ABCB1: variants seen among roughly 807,000 people sequenced by gnomAD.
ABCB1 encodes the protein ATP binding cassette subfamily B member 1.
ABCB1 carries 69 observed loss-of-function variants against 142.0 expected under a neutral mutation model. That is an observed-to-expected ratio of 0.49 (90% confidence interval 0.40 to 0.59). The LOEUF is 0.59. ABCB1 is among the 20% of genes least tolerant of loss of function. The probability of loss-of-function intolerance (pLI) is 0.00; values close to 1 mark genes in which losing one functional copy is unlikely to be tolerated. For missense variants in ABCB1, 1,326 were observed against 1,554.7 expected, an observed-to-expected ratio of 0.85 and a Z score of 2.47; for synonymous variants, 532 against 539.2, an observed-to-expected ratio of 0.99 and a Z score of 0.18.
At chr7:87,634,496 G>C (rs1044890046) in intron 1 of ABCB1, among the ~76,000 whole-genome samples, 2 of 36,658 alleles carry the variant, frequency 5.5e-5, no homozygotes, top group Middle Eastern at 0.018. Context: ...GTGGGGGGTG[G>C]GGGGGGGGGC....
Position 87,550,168 on chromosome 7 carries a change from C to T in ABCB1, c.1350+3G>A. ...AGGGTCTAGCTCGCATGGGTCATCT[C>T]ACCATCCCCTCTGTGGGGTCATAGA... On this transcript the variant is annotated splice_donor_region_variant and intron_variant, in intron 12 of 27. Coordinates refer to ENST00000622132, the MANE Select transcript of ABCB1 (RefSeq NM_001348946.2). 6.2e-7 allele frequency: 1 copy of T among 1,614,218 alleles called. No homozygotes were observed. The highest frequency in any genetic ancestry group is 1.3e-5 in the African/African-American group (1 of 75,058).
Position 87,553,836 on chromosome 7 carries a change from T to C in ABCB1, c.924A>G (p.Ala308=), listed in dbSNP as rs1182588772. The C allele has an allele frequency of 6.2e-7, 1 of 1,614,102 alleles. No homozygotes were observed. Among genetic ancestry groups the C allele is most frequent in the Non-Finnish European group, 8.5e-7 (1 of 1,179,964 alleles). Reference sequence around the variant, plus strand: ...CATACCAGAAGGCCAGAGCATAAGATGCATAGATCAGCAGGAAAGCAGCAC... The same window carrying C: ...CATACCAGAAGGCCAGAGCATAAGACGCATAGATCAGCAGGAAAGCAGCAC... ...SIGAAFLLIY[A]SYALAFWYGT... is the part of the protein sequence containing the mutation. Residue 308 remains alanine, a synonymous_variant, in exon 9 of 28, where the codon GCA becomes GCG. Coordinates refer to ENST00000622132, the MANE Select transcript of ABCB1 (RefSeq NM_001348946.2).
At chr7:87,702,103 A>C (rs549919527) in intron 1 of ABCB1, among the ~76,000 whole-genome samples, 1 of 130,128 alleles carries the variant, frequency 7.7e-6, no homozygotes, top group South Asian at 2.6e-4. Flanking sequence ...AGATCGCGCC[A>C]CTGCACTCCA....
chr7:87,566,601 C>T (rs1817791393), intron 6 of ABCB1, among the ~76,000 whole-genome samples, 184 bp downstream of exon 6: 1 of 152,172 alleles, frequency 6.6e-6, no homozygotes, highest in South Asian at 2.1e-4. Context: ...CAGGTCCCCC[C>T]ATACCCTGTC....
chr7:87,671,558 C>A (rs2130522532), intron 1 of ABCB1, among the ~76,000 whole-genome samples: 1 of 152,238 alleles, frequency 6.6e-6, no homozygotes, highest in Admixed American at 6.5e-5. Flanking sequence ...CCAGTGAAGG[C>A]CGCAAAACAG....
intron 2 of ABCB1, among the ~76,000 whole-genome samples, chr7:87,597,743 A>G (rs1167012223): frequency 1.3e-5 from 2 of 152,172 alleles, no homozygotes; most frequent in Admixed American, 1.3e-4. Context: ...AAAAATTTTC[A>G]ATTGCAATTA....
intron 2 of ABCB1, among the ~76,000 whole-genome samples, chr7:87,599,017 A>G (rs1819327838): frequency 6.6e-6 from 1 of 152,232 alleles, no homozygotes; most frequent in South Asian, 2.1e-4. Flanking sequence ...AAAATGAACT[A>G]TTAAAAGATT....
chr7:87,562,819 G>T (rs1817618787), intron 7 of ABCB1, among the ~76,000 whole-genome samples: 1 of 151,108 alleles, frequency 6.6e-6, no homozygotes, highest in Non-Finnish European at 1.5e-5. Context: ...ATATGAAAAG[G>T]CCAGGTGTGA....
intron 1 of ABCB1, among the ~76,000 whole-genome samples, chr7:87,639,345 G>A (rs1822198790): frequency 6.6e-6 from 1 of 152,062 alleles, no homozygotes; most frequent in South Asian, 2.1e-4. Flanking sequence ...TATTTAATAT[G>A]CATTTGGAAA....
At chr7:87,576,286 T>C (rs1818272419) in intron 4 of ABCB1, among the ~76,000 whole-genome samples, 1 of 151,762 alleles carries the variant, frequency 6.6e-6, no homozygotes, top group Non-Finnish European at 1.5e-5. Flanking sequence ...TAGAAAACTG[T>C]ACTATATTTT....
Position 87,506,383 on chromosome 7 carries a change from G to A in ABCB1, c.3490-340C>T, listed in dbSNP as rs890659751. Among the ~76,000 whole-genome samples, 4 of 152,080 alleles carry A rather than the reference G, an allele frequency of 2.6e-5. No homozygotes were observed. In the South Asian group the frequency reaches 8.3e-4, roughly 32 times the overall value. ...TGGCAGGAGAAAGGAAATTTGATTT[G>A]AACAAAGTATTCATAATAAAATAAT... On this transcript the variant is annotated intron_variant, in intron 26 of 27. Coordinates refer to ENST00000622132, the MANE Select transcript of ABCB1 (RefSeq NM_001348946.2).
At chr7:87,575,825 A>T (rs2129869336) in intron 4 of ABCB1, among the ~76,000 whole-genome samples, 1 of 152,282 alleles carries the variant, frequency 6.6e-6, no homozygotes, top group South Asian at 2.1e-4. Flanking sequence ...TAAAAATCAA[A>T]CTTACAGGGC....
chr7:87,707,255 A>G (rs774317603), intron 1 of ABCB1, among the ~76,000 whole-genome samples: 1 of 152,198 alleles, frequency 6.6e-6, no homozygotes, highest in Non-Finnish European at 1.5e-5. Context: ...GAAAAAGACA[A>G]TTGAAACAAA....
intron 4 of ABCB1, among the ~76,000 whole-genome samples, chr7:87,572,376 C>A (rs541355025): frequency 6.6e-6 from 1 of 152,248 alleles, no homozygotes; most frequent in African/African-American, 2.4e-5. Context: ...ACAGTCATTT[C>A]TAAATAGCTC....
intron 1 of ABCB1, among the ~76,000 whole-genome samples, chr7:87,660,607 T>C (rs1296020570): frequency 2.6e-5 from 4 of 152,034 alleles, no homozygotes; most frequent in Admixed American, 2.6e-4. Flanking sequence ...AACTAATTTA[T>C]GGCTTTGCTG....
At chr7:87,655,168 TAAATAA>T (rs1823971148) in intron 1 of ABCB1, among the ~76,000 whole-genome samples, 1 of 152,052 alleles carries the variant, frequency 6.6e-6, no homozygotes, top group Non-Finnish European at 1.5e-5. Flanking sequence ...TCTATGTGAT[TAAATAA>T]AAATAAAAAT....
intron 3 of ABCB1, among the ~76,000 whole-genome samples, chr7:87,592,377 T>G (rs1233702666): frequency 6.6e-6 from 1 of 152,196 alleles, no homozygotes; most frequent in Admixed American, 6.5e-5. Context: ...ACAGGTAGGT[T>G]TTTATGATTA....
chr7:87,628,802 G>A (rs1820875631), intron 1 of ABCB1: 1 of 1,223,968 alleles, frequency 8.2e-7, no homozygotes, highest in Non-Finnish European at 1.0e-6. Flanking sequence ...CGAGACAAAA[G>A]GGGCACGGGG....
chr7:87,647,491 A>C (rs913396429), intron 1 of ABCB1, among the ~76,000 whole-genome samples: 7 of 152,120 alleles, frequency 4.6e-5, no homozygotes, highest in African/African-American at 1.7e-4. Context: ...ACATTGCTAC[A>C]TTTTTCTTTT....
Sources: gnomAD v4.1 joint callset for allele counts (sites outside exome capture counted in the v4.1 genomes callset) on GRCh38, gnomAD v4.1.1 for gene constraint, MANE v1.5 for transcripts, NCBI Gene and HGNC (gene_info 2026-07-23, HGNC 2026-07-21) for gene names.